Variants in FAF1 observed in about 807,000 individuals in gnomAD.
FAF1 encodes Fas associated factor 1.
In FAF1, 25 loss-of-function variants were observed where a neutral mutation model predicts 92.5. The observed-to-expected ratio is 0.27, with a 90% CI of 0.20 to 0.38. The LOEUF (loss-of-function observed/expected upper bound fraction) is 0.38. FAF1 is among the 10% of genes least tolerant of loss of function. FAF1 has a pLI of 1.00. For synonymous variants in FAF1, 234 were observed against 273.2 expected (o/e 0.86, Z 1.42); for missense variants, 636 against 793.3 (o/e 0.80, Z 2.38).
At chr1:50,772,281 C>G (rs571101162) in intron 4 of FAF1, among the ~76,000 whole-genome samples, 1 of 152,288 alleles carries the variant, frequency 6.6e-6, no homozygotes, top group Non-Finnish European at 1.5e-5. Context: ...TTGTGGAAAG[C>G]AGTTTGGCAA....
chr1:50,487,883 C>A (rs1315791782), intron 17 of FAF1, among the ~76,000 whole-genome samples: 3 of 152,106 alleles, frequency 2.0e-5, no homozygotes, highest in Non-Finnish European at 2.9e-5. Context: ...GGTGTTCAAC[C>A]AGTTTGGTGA....
chr1:50,953,509 G>C (rs1210013363), intron 1 of FAF1, among the ~76,000 whole-genome samples: 2 of 152,088 alleles, frequency 1.3e-5, no homozygotes, highest in Non-Finnish European at 2.9e-5. Flanking sequence ...AAGCCACAGT[G>C]GGTGGATCAA....
At chr1:50,554,390 T>TATATATATATATATATATAGAGAGAG in intron 13 of FAF1, among the ~76,000 whole-genome samples, 1 of 93,704 alleles carries the variant, frequency 1.1e-5, no homozygotes, top group African/African-American at 4.7e-5. Context: ...TATATATATA[T>TATATATATATATATATATAGAGAGAG]AGAGAGAGAG....
intron 18 of FAF1, among the ~76,000 whole-genome samples, chr1:50,446,580 A>C (rs1401401566): frequency 6.6e-6 from 1 of 152,206 alleles, no homozygotes; most frequent in African/African-American, 2.4e-5. Context: ...TGAGGGCAGG[A>C]GCTGAGTAAT....
At chr1:50,847,660 GA>G (rs1194837618) in intron 2 of FAF1, among the ~76,000 whole-genome samples, 1 of 151,922 alleles carries the variant, frequency 6.6e-6, no homozygotes. Flanking sequence ...AGAAAGAAAA[GA>G]AAAAATTAAT....
chr1:50,681,997 C>T (rs1569752857), intron 7 of FAF1, among the ~76,000 whole-genome samples: 1 of 151,732 alleles, frequency 6.6e-6, no homozygotes, highest in East Asian at 2.0e-4. Flanking sequence ...CCATGCCTGG[C>T]TAATTTTTGT....
chr1:50,905,212 G>A (rs1400210359), intron 1 of FAF1, among the ~76,000 whole-genome samples: 2 of 152,172 alleles, frequency 1.3e-5, no homozygotes, highest in Non-Finnish European at 2.9e-5. Context: ...CAAAGGACAT[G>A]AACTCATCCA....
intron 13 of FAF1, among the ~76,000 whole-genome samples, chr1:50,559,219 C>G: frequency 6.6e-6 from 1 of 151,762 alleles, no homozygotes; most frequent in East Asian, 1.9e-4. Context: ...CCAATGCACT[C>G]CAGCCTAGGC....
Position 50,608,860 on chromosome 1 carries a change from A to G in FAF1, c.745-12644T>C, listed in dbSNP as rs75665280. Among the ~76,000 whole-genome samples the G allele has an allele frequency of 2.9e-3, 442 of 152,316 alleles. 12 individuals are homozygous for G. In the East Asian group the frequency reaches 0.064, roughly 22 times the overall value. On this transcript the variant is annotated intron_variant, in intron 8 of 18. Transcript: ENST00000396153. ...GTTAAGAGCTTGTATGACTCTGGAC[A>G]ACTCTCTCACCTTCTCAGTGCCTTA...
rs773878018 is a variant in FAF1 at position 50,567,190 on chromosome 1, C to T, written c.1155G>A (p.Val385=). The T allele has an allele frequency of 2.1e-5, 34 of 1,609,942 alleles. No individual in the cohort carries two copies. Among genetic ancestry groups the T allele is most frequent in the Non-Finnish European group, 2.8e-5 (33 of 1,177,380 alleles). Residue 385 remains valine (V), a synonymous_variant, in exon 13 of 19, where the codon GTG becomes GTA. Coordinates refer to ENST00000396153, the MANE Select transcript of FAF1 (RefSeq NM_007051.3). ...TTTGTGAGCAGAACACGTTGGTTAA[C>T]ACACTTTCATCATGGTGGAGGTAGA... is the stretch of plus-strand genomic sequence containing the variant. ...LAIYLHHDES[V]LTNVFCSQML... is the part of the protein sequence containing the mutation.
intron 4 of FAF1, among the ~76,000 whole-genome samples, chr1:50,761,259 A>T (rs972453442): frequency 3.3e-5 from 5 of 152,238 alleles, no homozygotes; most frequent in Non-Finnish European, 7.3e-5. Context: ...TACCAGAGGT[A>T]TAAGGAGGAA....
intron 15 of FAF1, among the ~76,000 whole-genome samples, chr1:50,504,001 C>G (rs1647024223): frequency 1.3e-5 from 2 of 152,104 alleles, no homozygotes; most frequent in Admixed American, 6.6e-5. Flanking sequence ...CAAAACTTGT[C>G]AAATTATATA....
intron 4 of FAF1, among the ~76,000 whole-genome samples, chr1:50,758,217 C>A (rs1206316423): frequency 1.3e-5 from 2 of 152,138 alleles, no homozygotes; most frequent in Non-Finnish European, 2.9e-5. Flanking sequence ...CATGTCTGGC[C>A]TAACTTTTGT....
chr1:50,863,317 C>G (rs1310481271), intron 1 of FAF1, among the ~76,000 whole-genome samples: 1 of 151,800 alleles, frequency 6.6e-6, no homozygotes. Flanking sequence ...TTGAACTTAA[C>G]AATAATAATG....
At chr1:50,810,358 G>C (rs747720107) in intron 2 of FAF1, among the ~76,000 whole-genome samples, 2 of 152,048 alleles carry the variant, frequency 1.3e-5, no homozygotes, top group Non-Finnish European at 1.5e-5. Flanking sequence ...ATACAGAAAA[G>C]GCTTTCAATA....
At chr1:50,521,347 G>A (rs544281448) in intron 15 of FAF1, among the ~76,000 whole-genome samples, 1 of 152,248 alleles carries the variant, frequency 6.6e-6, no homozygotes, top group African/African-American at 2.4e-5. Context: ...TGAGGAATAT[G>A]ACTGTCTCCA....
intron 4 of FAF1, among the ~76,000 whole-genome samples, chr1:50,784,090 G>C (rs1250875188): frequency 6.6e-6 from 1 of 151,912 alleles, no homozygotes. Flanking sequence ...CATATTCAAG[G>C]GTTAAGAACT....
chr1:50,729,022 CTATCTATCTATCTATA>C (rs1330898591), intron 6 of FAF1, among the ~76,000 whole-genome samples: 2 of 73,456 alleles, frequency 2.7e-5, no homozygotes, highest in African/African-American at 1.3e-4. Flanking sequence ...ATCTATCTAT[CTATCTATCTATCTATA>C]TATATATATA....
intron 15 of FAF1, among the ~76,000 whole-genome samples, chr1:50,533,599 TA>T (rs1258868264): frequency 6.6e-6 from 1 of 152,314 alleles, no homozygotes; most frequent in East Asian, 1.9e-4. Context: ...AGTTCAGGGC[TA>T]TATTAAAATT....
Sources: gnomAD v4.1 joint callset for allele counts (sites outside exome capture counted in the v4.1 genomes callset) on GRCh38, gnomAD v4.1.1 for gene constraint, MANE v1.5 for transcripts, NCBI Gene and HGNC (gene_info 2026-07-23, HGNC 2026-07-21) for gene names.